The following MAGI1 variants were observed in gnomAD, a reference collection of about 807,000 sequenced individuals.
MAGI1 encodes the protein membrane-associated guanylate kinase, WW and PDZ domain-containing protein 1.
A neutral mutation model predicts 139.9 loss-of-function variants in MAGI1; 58 were observed. The observed-to-expected ratio is 0.41, with a 90% CI of 0.34 to 0.52. The LOEUF is 0.52. MAGI1 is among the 20% of genes least tolerant of loss of function. MAGI1 has a pLI of 0.12. For synonymous variants in MAGI1, 812 were observed against 737.9 expected (o/e 1.10, Z -1.63); for missense variants, 1,874 against 1,901.6 (o/e 0.99, Z 0.27).
chr3:65,686,579 T>C (rs182427775), intron 1 of MAGI1, among the ~76,000 whole-genome samples: 1 of 152,144 alleles, frequency 6.6e-6, no homozygotes. Flanking sequence ...GCATGAGCCA[T>C]CGCACCCAGC....
At chr3:65,786,471 T>A (rs1459022261) in intron 1 of MAGI1, among the ~76,000 whole-genome samples, 1 of 151,898 alleles carries the variant, frequency 6.6e-6, no homozygotes, top group Non-Finnish European at 1.5e-5. Flanking sequence ...CACACCCAGC[T>A]AACTTACTGT....
intron 1 of MAGI1, among the ~76,000 whole-genome samples, chr3:65,810,820 T>A (rs1465443491): frequency 1.3e-5 from 2 of 152,224 alleles, no homozygotes; most frequent in Non-Finnish European, 2.9e-5. Flanking sequence ...CACCTCGTAA[T>A]TGACTTTGTT....
chr3:65,383,272 T>C (rs1014681519), intron 15 of MAGI1, among the ~76,000 whole-genome samples: 4 of 152,154 alleles, frequency 2.6e-5, no homozygotes, highest in Admixed American at 6.5e-5. Context: ...TTCATCTCCC[T>C]TGGGGGAAAA....
At chr3:65,458,270 G>C (rs529704991) in intron 5 of MAGI1, among the ~76,000 whole-genome samples, 1 of 151,858 alleles carries the variant, frequency 6.6e-6, no homozygotes, top group Non-Finnish European at 1.5e-5. Context: ...TGGGAGTGCA[G>C]GTATCTCTTC....
intron 1 of MAGI1, chr3:65,874,528 C>T (rs2060046435): frequency 6.6e-6 from 1 of 152,172 alleles, no homozygotes; most frequent in African/African-American, 2.4e-5. Flanking sequence ...AGATGGGCAA[C>T]ATCATTAGCC....
intron 1 of MAGI1, among the ~76,000 whole-genome samples, chr3:65,999,380 T>C (rs1455965851): frequency 1.3e-5 from 2 of 152,266 alleles, no homozygotes; most frequent in East Asian, 3.9e-4. Flanking sequence ...TCTATGGTAC[T>C]GATATGCTTA....
rs146696841 is a variant in MAGI1 at position 65,575,300 on chromosome 3, T to C, written c.430+46672A>G. On this transcript the variant is annotated intron_variant, in intron 2 of 22. Transcript: ENST00000402939. ...TGAGCACATGAAAAATTAGTCATTA[T>C]AGAAATAAAAATTAAAACCATAATG... Among the ~76,000 whole-genome samples the C allele has an allele frequency of 3.1e-3, 474 of 152,186 alleles. 5 individuals carry two copies. The highest frequency in any genetic ancestry group is 0.01 in the African/African-American group (434 of 41,560).
At chr3:65,730,871 C>G (rs762254290) in intron 1 of MAGI1, among the ~76,000 whole-genome samples, 8 of 151,442 alleles carry the variant, frequency 5.3e-5, no homozygotes, top group Non-Finnish European at 1.0e-4. Context: ...AGAACAGAAT[C>G]TGTTATTGTC....
intron 1 of MAGI1, among the ~76,000 whole-genome samples, chr3:65,773,054 C>CA (rs909773902): frequency 4.6e-5 from 7 of 151,878 alleles, no homozygotes; most frequent in African/African-American, 1.7e-4. Context: ...TGGTAAATGG[C>CA]AAAAAAACTC....
intron 12 of MAGI1, among the ~76,000 whole-genome samples, chr3:65,407,700 A>C (rs1017099595): frequency 3.9e-5 from 6 of 152,232 alleles, no homozygotes; most frequent in African/African-American, 1.4e-4. Flanking sequence ...CCCAAAGACT[A>C]AAGGAAATGC....
intron 12 of MAGI1, among the ~76,000 whole-genome samples, chr3:65,408,314 A>C (rs968350446): frequency 1.3e-5 from 2 of 152,222 alleles, no homozygotes; most frequent in African/African-American, 4.8e-5. Context: ...TCTTTCTTGG[A>C]AAGATTTAAA....
intron 2 of MAGI1, among the ~76,000 whole-genome samples, chr3:65,528,422 A>C (rs921286607): frequency 2.0e-5 from 3 of 152,204 alleles, no homozygotes; most frequent in Non-Finnish European, 4.4e-5. Flanking sequence ...CAGGACAGGG[A>C]CTAGGGCCTA....
intron 1 of MAGI1, among the ~76,000 whole-genome samples, chr3:65,673,161 AG>A (rs1304418803): frequency 1.3e-5 from 2 of 152,120 alleles, no homozygotes; most frequent in African/African-American, 4.8e-5. Flanking sequence ...GTTTTACATG[AG>A]GGACAGCATC....
At chr3:65,993,283 T>G (rs2066274299) in intron 1 of MAGI1, among the ~76,000 whole-genome samples, 1 of 152,220 alleles carries the variant, frequency 6.6e-6, no homozygotes, top group African/African-American at 2.4e-5. Flanking sequence ...ACCCATCTGA[T>G]ACCAGTTTCC....
At chr3:65,692,036 G>T (rs1298577730) in intron 1 of MAGI1, among the ~76,000 whole-genome samples, 1 of 152,112 alleles carries the variant, frequency 6.6e-6, no homozygotes, top group Non-Finnish European at 1.5e-5. Context: ...TTCTGTATTT[G>T]TGATTGAATT....
chr3:65,674,492 G>T (rs577481909), intron 1 of MAGI1, among the ~76,000 whole-genome samples: 2 of 152,194 alleles, frequency 1.3e-5, no homozygotes, highest in Non-Finnish European at 2.9e-5. Flanking sequence ...CAGAGGCTAT[G>T]CATCACAAGA....
At chr3:65,922,457 T>C (rs569326127) in intron 1 of MAGI1, among the ~76,000 whole-genome samples, 109 of 87,540 alleles carry the variant, frequency 1.2e-3, no homozygotes, top group African/African-American at 5.4e-3. Flanking sequence ...AAGACAGCCA[T>C]GTGAAGAGGA....
At chr3:65,567,578 A>G (rs2080728256) in intron 2 of MAGI1, among the ~76,000 whole-genome samples, 1 of 152,316 alleles carries the variant, frequency 6.6e-6, no homozygotes, top group African/African-American at 2.4e-5. Flanking sequence ...GGCTCACACC[A>G]GTAATCTCAG....
At chr3:65,912,979 C>T (rs1015498792) in intron 1 of MAGI1, among the ~76,000 whole-genome samples, 1 of 152,038 alleles carries the variant, frequency 6.6e-6, no homozygotes, top group Non-Finnish European at 1.5e-5. Flanking sequence ...TAAATACTAC[C>T]AAGCCATAAG....
Sources: allele counts gnomAD v4.1 joint callset (sites outside exome capture counted in the v4.1 genomes callset), GRCh38; gene constraint gnomAD v4.1.1; transcripts MANE v1.5; gene names NCBI Gene and HGNC (gene_info 2026-07-23, HGNC 2026-07-21).